The following GRHL2 variants were observed in gnomAD, a reference collection of about 807,000 sequenced individuals.
The protein encoded by GRHL2 is grainyhead like transcription factor 2.
GRHL2 carries 21 observed loss-of-function variants against 83.8 expected under a neutral mutation model. The ratio of observed to expected loss-of-function variants is 0.25; its 90% confidence interval spans 0.18 to 0.36. The LOEUF (loss-of-function observed/expected upper bound fraction) is 0.36. GRHL2 is among the 10% of genes least tolerant of loss of function. The pLI, the probability that GRHL2 is intolerant of heterozygous loss-of-function variation, is 1.00. For synonymous variants in GRHL2, 280 were observed against 278.9 expected, an observed-to-expected ratio of 1.00 and a Z score of -0.04; for missense variants, 623 against 781.8, an observed-to-expected ratio of 0.80 and a Z score of 2.42.
Position 101,558,801 on chromosome 8 carries a change from G to T in GRHL2, c.667G>T (p.Ala223Ser), listed in dbSNP as rs766917145. The change falls in exon 4 of 16, where the codon GCA (alanine) becomes TCA (serine). Residue 223 changes from alanine (A) to serine (S), a missense_variant. Around this residue, in one of 8 missense-constraint regions of GRHL2, gnomAD observed 239 missense variants for 240.5 expected, o/e 0.99. Coordinates refer to ENST00000646743, the MANE Select transcript of GRHL2 (RefSeq NM_024915.4). The stretch of plus-strand genomic sequence containing the variant: ...CACATACAGCGAGAGCTTCAAGGAC[G>T]CAGCCACAGAGGTGAGTCCCAGGCT... The part of the protein sequence containing the change: ...DSTYSESFKD[A>S]ATEKFRSASV... 6.2e-7 allele frequency: 1 copy of T among 1,613,986 alleles called. No homozygotes were observed. The highest frequency in any genetic ancestry group is 8.5e-7 in the Non-Finnish European group (1 of 1,179,970).
intron 2 of GRHL2, chr8:101,544,144 CAG>C (rs1432757498): frequency 6.6e-6 from 1 of 152,290 alleles, no homozygotes; most frequent in African/African-American, 2.4e-5. Context: ...CAAACCATAT[CAG>C]TGGCTGTACC....
At chr8:101,502,518 C>T (rs1810250431) in intron 1 of GRHL2, among the ~76,000 whole-genome samples, 1 of 152,206 alleles carries the variant, frequency 6.6e-6, no homozygotes, top group South Asian at 2.1e-4. Context: ...TAGCGGACTC[C>T]CGCACAGCCT....
intron 14 of GRHL2, among the ~76,000 whole-genome samples, chr8:101,652,554 A>G (rs141811464): frequency 0.2 from 3,968 of 20,020 alleles, 789 homozygotes; most frequent in African/African-American, 0.44. Context: ...TGTGGTGTGT[A>G]TGTGTGGTGG....
At chr8:101,670,724 G>A (rs558722786), downstream of GRHL2, among the ~76,000 whole-genome samples, 12 of 152,272 alleles carry the variant, frequency 7.9e-5, no homozygotes, top group African/African-American at 2.4e-4. Flanking sequence ...TTAGGTGCTC[G>A]CCATGTGTGC....
At chr8:101,537,482 G>A (rs1286907025) in intron 1 of GRHL2, among the ~76,000 whole-genome samples, 1 of 152,100 alleles carries the variant, frequency 6.6e-6, no homozygotes, top group Non-Finnish European at 1.5e-5. Context: ...AAGGAGTTAA[G>A]ACCTGAAAAC....
chr8:101,609,301 C>T (rs1165627431), intron 8 of GRHL2, among the ~76,000 whole-genome samples: 1 of 150,116 alleles, frequency 6.7e-6, no homozygotes, highest in Admixed American at 6.6e-5. Flanking sequence ...TGGTCCTCAA[C>T]AAGCAGCATC....
At chr8:101,616,104 T>TCTTTCTTTCTTC (rs1355253435) in intron 8 of GRHL2, among the ~76,000 whole-genome samples, 2 of 150,326 alleles carry the variant, frequency 1.3e-5, no homozygotes, top group African/African-American at 4.9e-5. Flanking sequence ...CTTTCTTCTT[T>TCTTTCTTTCTTC]CTTTCTTTCT....
chr8:101,534,609 G>T (rs1811005259), intron 1 of GRHL2, among the ~76,000 whole-genome samples: 1 of 152,018 alleles, frequency 6.6e-6, no homozygotes, highest in Non-Finnish European at 1.5e-5. Flanking sequence ...AGGGCCATAT[G>T]GGAGGCTGGC....
At chr8:101,646,969 G>A (rs999139346) in intron 13 of GRHL2, among the ~76,000 whole-genome samples, 5 of 152,182 alleles carry the variant, frequency 3.3e-5, no homozygotes, top group African/African-American at 1.2e-4. Context: ...GCCCATCAAC[G>A]CGGCTCCCTT....
chr8:101,634,680 T>C (rs1429360124), intron 11 of GRHL2, among the ~76,000 whole-genome samples: 3 of 152,196 alleles, frequency 2.0e-5, no homozygotes, highest in Non-Finnish European at 4.4e-5. Flanking sequence ...GTGGTTCTCA[T>C]GGCCAGTGAG....
chr8:101,625,340 TAATA>T (rs1321907979), intron 9 of GRHL2, among the ~76,000 whole-genome samples: 1 of 152,014 alleles, frequency 6.6e-6, no homozygotes, highest in Non-Finnish European at 1.5e-5. Context: ...AGTGTTAATA[TAATA>T]AATAATAAGA....
rs923356282 is a variant in GRHL2, at chr8:101,667,980, G to C, written c.*1277G>C. 5 of 152,726 alleles carry C rather than the reference G, an allele frequency of 3.3e-5. No homozygotes were observed. The highest frequency in any genetic ancestry group is 1.3e-4 in the Admixed American group (2 of 15,280). The allele number at this position is 152,726 out of a possible 1,614,324, so 9.5% of individuals were successfully genotyped here. ...TCCTCCTGGGCCACCAGATGGAAAG[G>C]GGGTATTGTTTGCCTCACTCCTGGA... On this transcript the variant is annotated 3_prime_UTR_variant, in exon 16 of 16. Transcript: ENST00000646743.
At chr8:101,592,113 T>C (rs1008038952) in intron 7 of GRHL2, among the ~76,000 whole-genome samples, 4 of 139,752 alleles carry the variant, frequency 2.9e-5, no homozygotes, top group African/African-American at 1.1e-4. Flanking sequence ...TTTTTTTTTT[T>C]TTTTTTTTTG....
chr8:101,541,881 C>T (rs148438132), intron 1 of GRHL2, among the ~76,000 whole-genome samples: 1 of 152,254 alleles, frequency 6.6e-6, no homozygotes, highest in Non-Finnish European at 1.5e-5. Context: ...TGACTCCCAC[C>T]CATTTCTGTT....
chr8:101,549,775 C>A (rs987273895), intron 2 of GRHL2, among the ~76,000 whole-genome samples: 1 of 152,070 alleles, frequency 6.6e-6, no homozygotes, highest in African/African-American at 2.4e-5. Flanking sequence ...TATAAGCAGC[C>A]CTGGTGGCTA....
chr8:101,509,219 G>T lies in GRHL2; in HGVS notation c.20+16430G>T, dbSNP rs1326589100. On this transcript the variant is annotated intron_variant, in intron 1 of 15. Coordinates refer to ENST00000646743, the MANE Select transcript of GRHL2 (RefSeq NM_024915.4). ...TTTCTTTCTTTCTTCTTGTGTGTGT[G>T]TGTGTGTGTGTGTGTGTGTGTGTGT... Among the ~76,000 whole-genome samples the T allele has an allele frequency of 1.7e-3, 89 of 53,678 alleles. 1 individual carries two copies. The highest frequency in any genetic ancestry group is 4.3e-3 in the Non-Finnish European group (78 of 18,282). The allele number at this position is 53,678 out of a possible 152,430, so 35.2% of individuals were successfully genotyped here.
intron 1 of GRHL2, among the ~76,000 whole-genome samples, chr8:101,496,235 G>A (rs1810101699): frequency 6.6e-6 from 1 of 151,694 alleles, no homozygotes; most frequent in African/African-American, 2.4e-5. Context: ...GTCATTTTGT[G>A]TGTTTTTTGT....
intron 4 of GRHL2, among the ~76,000 whole-genome samples, chr8:101,566,518 C>G (rs1394117125): frequency 6.7e-6 from 1 of 150,006 alleles, no homozygotes; most frequent in African/African-American, 2.4e-5. Flanking sequence ...GCCCGGTCCT[C>G]TCTTCTGAAC....
At chr8:101,496,164 A>AT (rs1397172503) in intron 1 of GRHL2, among the ~76,000 whole-genome samples, 3 of 151,486 alleles carry the variant, frequency 2.0e-5, no homozygotes, top group Non-Finnish European at 2.9e-5. Context: ...AAAAAAAAAA[A>AT]ATACAGGTCA....
Sources: gnomAD v4.1 joint callset for allele counts (sites outside exome capture counted in the v4.1 genomes callset) on GRCh38, gnomAD v4.1.1 for gene constraint, gnomAD v4.1.1 regional missense constraint, MANE v1.5 for transcripts, NCBI Gene and HGNC (gene_info 2026-07-23, HGNC 2026-07-21) for gene names.